Variants in DDX10 observed in about 807,000 individuals in gnomAD.
DDX10 encodes DEAD-box helicase 10, also known as probable ATP-dependent RNA helicase DDX10.
DDX10 carries 74 observed loss-of-function variants against 104.3 expected under a neutral mutation model. That is an observed-to-expected ratio of 0.71 (90% CI 0.59 to 0.86). The LOEUF (loss-of-function observed/expected upper bound fraction) is 0.86, where lower values mean the gene tolerates loss of function less well. Ranked by LOEUF, DDX10 falls within the 40% of genes least tolerant of loss-of-function variation. DDX10 has a pLI of 0.00. For synonymous variants in DDX10, 351 were observed against 353.4 expected (o/e 0.99, Z 0.08); for missense variants, 952 against 1,040.0 (o/e 0.92, Z 1.16).
At chr11:108,906,203 A>G (rs1004613054) in intron 16 of DDX10, among the ~76,000 whole-genome samples, 1 of 152,154 alleles carries the variant, frequency 6.6e-6, no homozygotes, top group Non-Finnish European at 1.5e-5. Context: ...GCATTCTAAC[A>G]TTGATACTCC....
At chr11:108,722,275 A>G (rs1405381516) in intron 12 of DDX10, among the ~76,000 whole-genome samples, 1 of 152,204 alleles carries the variant, frequency 6.6e-6, no homozygotes, top group Non-Finnish European at 1.5e-5. Flanking sequence ...GTTTATTCAG[A>G]GCAATCCTTG....
Position 108,672,207 on chromosome 11 carries a change from A to G in DDX10, c.187-1260A>G, listed in dbSNP as rs193295211. 9.9e-5 allele frequency among the ~76,000 whole-genome samples: 15 copies of G among 152,094 alleles called. No homozygotes were observed. The East Asian group carries it at 2.5e-3, about 25-fold the overall frequency. On this transcript the variant is annotated intron_variant, in intron 1 of 17. Coordinates refer to ENST00000322536, the MANE Select transcript of DDX10 (RefSeq NM_004398.4). The stretch of plus-strand genomic sequence containing the variant: ...TTTAGGAAGATAGATGTGCTGTGCA[A>G]TGTTTTGTTTGAGGAGCTCGCTTTG...
intron 13 of DDX10, among the ~76,000 whole-genome samples, chr11:108,757,751 C>A (rs570729516): frequency 1.3e-5 from 2 of 151,984 alleles, no homozygotes; most frequent in Non-Finnish European, 2.9e-5. Flanking sequence ...TGTTTTTCTC[C>A]CAGTACTTGT....
At chr11:108,885,936 G>T (rs1178755884) in intron 16 of DDX10, among the ~76,000 whole-genome samples, 1 of 152,090 alleles carries the variant, frequency 6.6e-6, no homozygotes, top group Non-Finnish European at 1.5e-5. Flanking sequence ...GAGGTGTAGA[G>T]AATTAAGGGA....
intron 17 of DDX10, among the ~76,000 whole-genome samples, chr11:108,928,981 A>C (rs1363807298): frequency 6.6e-6 from 1 of 152,238 alleles, no homozygotes; most frequent in East Asian, 1.9e-4. Flanking sequence ...GGTTGAAATT[A>C]ATGATGTAGT....
intron 9 of DDX10, among the ~76,000 whole-genome samples, chr11:108,705,103 T>C (rs945765592): frequency 6.6e-6 from 1 of 152,208 alleles, no homozygotes; most frequent in Non-Finnish European, 1.5e-5. Flanking sequence ...TTCTGGGGCC[T>C]CTAAAAGCAG....
At chr11:108,929,940 C>G (rs374031156) in intron 17 of DDX10, among the ~76,000 whole-genome samples, 4 of 152,068 alleles carry the variant, frequency 2.6e-5, no homozygotes, top group African/African-American at 9.7e-5. Context: ...TCCAATTTCC[C>G]CTATTAGTAA....
chr11:108,877,939 G>A (rs1340135377), intron 16 of DDX10, among the ~76,000 whole-genome samples: 1 of 152,190 alleles, frequency 6.6e-6, no homozygotes, highest in Non-Finnish European at 1.5e-5. Context: ...GATGGGGCTA[G>A]CAAATGTGTC....
chr11:108,860,108 C>T (rs1023008821), intron 16 of DDX10, among the ~76,000 whole-genome samples: 3 of 152,092 alleles, frequency 2.0e-5, no homozygotes, highest in Non-Finnish European at 4.4e-5. Flanking sequence ...TATTATAAGA[C>T]TTGATTTTAG....
intron 13 of DDX10, among the ~76,000 whole-genome samples, chr11:108,813,603 T>TTA (rs1862216581): frequency 6.6e-6 from 1 of 152,134 alleles, no homozygotes; most frequent in Admixed American, 6.6e-5. Context: ...GTTTTGTCTT[T>TTA]TATGGGTTCT....
chr11:108,869,151 C>T (rs1863047429), intron 16 of DDX10, among the ~76,000 whole-genome samples: 2 of 151,382 alleles, frequency 1.3e-5, no homozygotes, highest in South Asian at 2.1e-4. Flanking sequence ...TATTAAAAGC[C>T]ATGCACACAA....
At chr11:108,916,434 AAAT>A (rs1863751846) in intron 16 of DDX10, among the ~76,000 whole-genome samples, 1 of 151,874 alleles carries the variant, frequency 6.6e-6, no homozygotes, top group African/African-American at 2.4e-5. Flanking sequence ...CTCACCAGGA[AAAT>A]AATAAGGGAC....
chr11:108,703,244 A>G (rs1002991851), intron 9 of DDX10, among the ~76,000 whole-genome samples: 5 of 152,222 alleles, frequency 3.3e-5, no homozygotes, highest in African/African-American at 1.2e-4. Context: ...ATACTCTAAG[A>G]TATCATGTTG....
chr11:108,901,743 C>T (rs925142731), intron 16 of DDX10, among the ~76,000 whole-genome samples: 12 of 152,054 alleles, frequency 7.9e-5, no homozygotes, highest in Non-Finnish European at 1.5e-4. Flanking sequence ...GATAGGCCAG[C>T]CAGCACAAAT....
chr11:108,833,505 A>G (rs1467660111), intron 13 of DDX10, among the ~76,000 whole-genome samples: 1 of 152,176 alleles, frequency 6.6e-6, no homozygotes, highest in East Asian at 1.9e-4. Flanking sequence ...CCTAACAGGA[A>G]AATATGATAA....
Position 108,763,202 on chromosome 11 carries a change from G to T in DDX10, c.1965+39740G>T, listed in dbSNP as rs549887362. 7.2e-5 allele frequency among the ~76,000 whole-genome samples: 11 copies of T among 152,222 alleles called. No individual in the cohort carries two copies. The South Asian group carries it at 2.3e-3, about 32-fold the overall frequency. Reference sequence around the variant, plus strand: ...TTTCTTCCTCTGGTTGCAATTCCTTGGTGGCCAGATCACACTGTGCGCTGT... The same window carrying T: ...TTTCTTCCTCTGGTTGCAATTCCTTTGTGGCCAGATCACACTGTGCGCTGT... On this transcript the variant is annotated intron_variant, in intron 13 of 17. Transcript: ENST00000322536.
intron 16 of DDX10, among the ~76,000 whole-genome samples, chr11:108,907,740 A>G (rs1863616419): frequency 6.6e-6 from 1 of 152,170 alleles, no homozygotes; most frequent in Admixed American, 6.5e-5. Flanking sequence ...GTTTTCAAGT[A>G]CACTTCAGCC....
intron 6 of DDX10, among the ~76,000 whole-genome samples, chr11:108,687,883 T>C (rs2094246766): frequency 6.6e-6 from 1 of 152,228 alleles, no homozygotes; most frequent in Admixed American, 6.5e-5. Context: ...CTCCTCCTTT[T>C]TTCTTTCACT....
intron 13 of DDX10, among the ~76,000 whole-genome samples, chr11:108,831,445 A>G (rs1338960704): frequency 1.4e-5 from 2 of 147,822 alleles, no homozygotes; most frequent in Admixed American, 1.3e-4. Context: ...AAAAAAAAAA[A>G]GAAATGCTCT....
Sources: allele counts gnomAD v4.1 joint callset (sites outside exome capture counted in the v4.1 genomes callset), GRCh38; gene constraint gnomAD v4.1.1; transcripts MANE v1.5; gene names NCBI Gene and HGNC (gene_info 2026-07-23, HGNC 2026-07-21).